TOPBP1: variants seen among roughly 807,000 people sequenced by gnomAD.
The protein encoded by TOPBP1 is DNA topoisomerase II binding protein 1.
Under a neutral mutation model 167.7 loss-of-function variants are expected in TOPBP1, and 28 were observed. That is an observed-to-expected ratio of 0.17 (90% CI 0.12 to 0.23). TOPBP1 has a LOEUF of 0.23. Among genes scored for constraint, TOPBP1 ranks in the 10% least tolerant of loss-of-function variants. TOPBP1 has a pLI of 1.00. For missense variants in TOPBP1, 1,554 were observed against 1,809.6 expected, an observed-to-expected ratio of 0.86 and a Z score of 2.56; for synonymous variants, 598 against 611.4, an observed-to-expected ratio of 0.98 and a Z score of 0.32.
intron 27 of TOPBP1, among the ~76,000 whole-genome samples, chr3:133,604,844 A>T (rs1576674682): frequency 6.6e-6 from 1 of 151,808 alleles, no homozygotes; most frequent in Non-Finnish European, 1.5e-5. Flanking sequence ...ACTTGAACCT[A>T]GGAGGTGGAG....
chr3:133,603,459 C>T (rs1934379657), intron 27 of TOPBP1, among the ~76,000 whole-genome samples: 1 of 152,038 alleles, frequency 6.6e-6, no homozygotes, highest in Non-Finnish European at 1.5e-5. Flanking sequence ...CCAACTATAT[C>T]CTATCTACAA....
chr3:133,652,344 A>C, intron 8 of TOPBP1, 119 bp downstream of exon 8: 1 of 1,031,208 alleles, frequency 9.7e-7, no homozygotes, highest in Non-Finnish European at 1.4e-6. Flanking sequence ...CTACTTAGCT[A>C]GAGTGGAGGG....
At chr3:133,608,461 G>T in intron 27 of TOPBP1, 74 bp downstream of exon 27, 1 of 1,506,746 alleles carries the variant, frequency 6.6e-7, no homozygotes, top group East Asian at 2.3e-5. Flanking sequence ...TGAAGGTTTT[G>T]TTGTGCAGTT....
chr3:133,639,940 A>G lies in TOPBP1; in HGVS notation c.2233+19T>C, dbSNP rs1935836232. The G allele has an allele frequency of 6.8e-6, 11 of 1,608,006 alleles. No individual in the cohort carries two copies. The highest frequency in any genetic ancestry group is 9.4e-6 in the Non-Finnish European group (11 of 1,176,138). On this transcript the variant is annotated intron_variant, in intron 13 of 27. Transcript: ENST00000260810. Reference sequence around the variant, plus strand: ...TCTAGTTGTAAATATATATAAAAGAACAGAATAAAAGTATTAACCTTCTTT... The same window carrying G: ...TCTAGTTGTAAATATATATAAAAGAGCAGAATAAAAGTATTAACCTTCTTT...
rs753102017 is a variant in TOPBP1, at chr3:133,657,784, A to G, written c.363+14T>C. 1.3e-6 allele frequency: 2 copies of G among 1,521,404 alleles called. No individual in the cohort carries two copies. The highest frequency in any genetic ancestry group is 4.8e-5 in the East Asian group (2 of 41,766). 94.2% of individuals were successfully genotyped at this position (1,521,404 alleles called of 1,614,324 possible). A position where few individuals can be genotyped will look rare whatever the true frequency, so the allele number is the denominator to read the frequency against. The stretch of plus-strand genomic sequence containing the variant: ...ATATATAAATTGATCAATCATCATG[A>G]GATCAATATCTACCCTTTTTTCTTT... On this transcript the variant is annotated intron_variant, in intron 4 of 27. Coordinates refer to ENST00000260810, the MANE Select transcript of TOPBP1 (RefSeq NM_007027.4).
In TOPBP1 at chr3:133,661,105, G is replaced by T; in HGVS notation, c.23C>A (p.Pro8Gln). 3 of 1,598,362 alleles carry T rather than the reference G, an allele frequency of 1.9e-6. No individual in the cohort carries two copies. Among genetic ancestry groups the T allele is most frequent in the South Asian group, 1.1e-5 (1 of 87,440 alleles). The change falls in exon 2 of 28, where the codon CCG becomes CAG. Residue 8 changes from proline (P) to glutamine (Q), a missense_variant. By Grantham distance (76) the Pro-to-Gln change is moderately conservative (BLOSUM62 -1). Coordinates refer to ENST00000260810, the MANE Select transcript of TOPBP1 (RefSeq NM_007027.4). MSRNDKE[P>Q]FFVKFLKSSD... is the part of the protein sequence containing the mutation. ...AGACTTTAAAAACTTCACAAAAAAC[G>T]GTTCTTTGTCATTTCTGGACATTTC...
chr3:133,646,435 G>A (rs370005276), intron 10 of TOPBP1, among the ~76,000 whole-genome samples: 5 of 152,058 alleles, frequency 3.3e-5, no homozygotes, highest in South Asian at 4.2e-4. Context: ...AGGATCACAT[G>A]AGGCCAGGAG....
intron 2 of TOPBP1, among the ~76,000 whole-genome samples, chr3:133,659,744 C>A (rs879718233): frequency 1.4e-5 from 2 of 147,268 alleles, no homozygotes; most frequent in South Asian, 4.2e-4. Context: ...CTAGTCTATT[C>A]TATTTAAAAA....
chr3:133,628,839 G>C (rs1451508152), intron 14 of TOPBP1, 106 bp from the exon 15 acceptor site: 3 of 1,141,602 alleles, frequency 2.6e-6, no homozygotes, highest in Admixed American at 2.8e-5. Flanking sequence ...GAGGGGTAAA[G>C]AGAGAGAAGG....
intron 25 of TOPBP1, among the ~76,000 whole-genome samples, chr3:133,610,549 A>G (rs1212866594): frequency 6.6e-6 from 1 of 151,690 alleles, no homozygotes; most frequent in Admixed American, 6.6e-5. Context: ...TTACAGGTAC[A>G]GTTGATAGTG....
chr3:133,655,514 A>G (rs1559833857), intron 5 of TOPBP1, 28 bp from the exon 6 acceptor site: 2 of 1,239,708 alleles, frequency 1.6e-6, no homozygotes, highest in African/African-American at 1.5e-5. Context: ...TTAAAAAAGA[A>G]CATATTAAAT....
intron 1 of TOPBP1, 47 bp from the exon 2 acceptor site, chr3:133,661,181 A>G: frequency 7.0e-7 from 1 of 1,423,406 alleles, no homozygotes; most frequent in Non-Finnish European, 9.4e-7. Flanking sequence ...CACATTAGAT[A>G]AAAAGTTGCA....
rs1260407829 is a variant in TOPBP1, at chr3:133,630,164, C to G, written c.2521-1431G>C. On this transcript the variant is annotated intron_variant, in intron 14 of 27. Transcript: ENST00000260810. ...CCCATTTTTCTACTGGGTTGTTAGT[C>G]TTTTTTTTAATATATTCGCTTGTAT... Among the ~76,000 whole-genome samples the G allele has an allele frequency of 2.6e-5, 4 of 151,482 alleles. No individual in the cohort carries two copies. The South Asian group carries it at 8.3e-4, about 32-fold the overall frequency.
At chr3:133,616,791 G>T (rs753518694) in intron 23 of TOPBP1, 23 bp downstream of exon 23, 1 of 1,347,180 alleles carries the variant, frequency 7.4e-7, no homozygotes, top group South Asian at 1.5e-5. Context: ...GGGACATTTT[G>T]GATTTAAGTA....
chr3:133,634,213 A>C (rs960287822), intron 14 of TOPBP1, among the ~76,000 whole-genome samples: 1 of 152,238 alleles, frequency 6.6e-6, no homozygotes, highest in Non-Finnish European at 1.5e-5. Flanking sequence ...TTTGAGTTCA[A>C]AGATAAAAGA....
rs1559837585 is a variant in TOPBP1, at chr3:133,661,106, GTTCT to G, written c.18_21del (p.Lys6AsnfsTer5). On this transcript the variant is annotated frameshift_variant, in exon 2 of 28. Transcript: ENST00000260810. LOFTEE classifies it high-confidence loss of function. ...GACTTTAAAAACTTCACAAAAAACGGTTCTTTGTCATTTCTGGACATTTCTGAAC... is the reference window on the plus strand; with the variant it reads ...GACTTTAAAAACTTCACAAAAAACGGTTGTCATTTCTGGACATTTCTGAAC... The G allele has an allele frequency of 3.1e-6, 5 of 1,598,520 alleles. No homozygotes were observed. Among genetic ancestry groups the G allele is most frequent in the Admixed American group, 1.8e-5 (1 of 56,618 alleles).
intron 23 of TOPBP1, among the ~76,000 whole-genome samples, chr3:133,613,373 AC>A (rs1223658766): frequency 6.6e-6 from 1 of 152,242 alleles, no homozygotes; most frequent in African/African-American, 2.4e-5. Flanking sequence ...TAATTAGGAT[AC>A]AAAAAGAAAT....
At chr3:133,604,793 C>T (rs1333693248) in intron 27 of TOPBP1, among the ~76,000 whole-genome samples, 2 of 151,840 alleles carry the variant, frequency 1.3e-5, no homozygotes, top group East Asian at 1.9e-4. Flanking sequence ...TTGGCTCATG[C>T]CTGTAATCCC....
chr3:133,616,997 T>C, intron 22 of TOPBP1, 72 bp from the exon 23 acceptor site: 1 of 1,252,156 alleles, frequency 8.0e-7, no homozygotes, highest in Non-Finnish European at 1.1e-6. Flanking sequence ...TTTATAGTGG[T>C]ATTTTACTCA....
Sources: allele counts gnomAD v4.1 joint callset (sites outside exome capture counted in the v4.1 genomes callset), GRCh38; gene constraint gnomAD v4.1.1; transcripts MANE v1.5; gene names NCBI Gene and HGNC (gene_info 2026-07-23, HGNC 2026-07-21).